EVC: variants seen among roughly 807,000 people sequenced by gnomAD.
EVC encodes EvC ciliary complex subunit 1, also known as evC complex member EVC.
Under a neutral mutation model 118.9 loss-of-function variants are expected in EVC, and 116 were observed. The ratio of observed to expected loss-of-function variants is 0.98; its 90% CI spans 0.84 to 1.14. The LOEUF is 1.14. Among genes scored for constraint, EVC ranks in the 50% most tolerant of loss-of-function variants. The probability of loss-of-function intolerance (pLI) is 0.00; values close to 1 mark genes in which losing one functional copy is unlikely to be tolerated. For missense variants in EVC, 1,401 were observed against 1,246.4 expected, an observed-to-expected ratio of 1.12 and a Z score of -1.87; for synonymous variants, 619 against 534.7, an observed-to-expected ratio of 1.16 and a Z score of -2.18.
chr4:5,789,582 C>T lies in EVC; in HGVS notation c.1777-4026C>T, dbSNP rs1313071511. 2.0e-5 allele frequency among the ~76,000 whole-genome samples: 3 copies of T among 152,196 alleles called. No homozygotes were observed. The highest frequency in any genetic ancestry group is 4.4e-5 in the Non-Finnish European group (3 of 68,032). On this transcript the variant is annotated intron_variant, in intron 12 of 20. Transcript: ENST00000264956. This position sits in a 1 kb window ranked among gnomAD's most constrained non-coding sequence, Gnocchi z 4.3. ...GCTAGGCATCAATCAATAGATCTTT[C>T]CCTTTCTCCCCATAATACATGAGAG...
intron 11 of EVC, among the ~76,000 whole-genome samples, chr4:5,779,285 G>A (rs1223195666): frequency 6.6e-6 from 1 of 152,100 alleles, no homozygotes; most frequent in East Asian, 1.9e-4. Flanking sequence ...GATGCCTCCA[G>A]CTTTGTTCTT....
Position 5,775,798 on chromosome 4 carries a change from T to C in EVC, c.1564-7754T>C, listed in dbSNP as rs138376478. On this transcript the variant is annotated intron_variant, in intron 11 of 20. Coordinates refer to ENST00000264956, the MANE Select transcript of EVC (RefSeq NM_153717.3). ...TTGGATATACCAAAGAGTGGAAGTA[T>C]TGGATTAAAGAATATGTGTAGCTTC... 3.8e-3 allele frequency among the ~76,000 whole-genome samples: 572 copies of C among 152,274 alleles called. 10 individuals carry two copies. The highest frequency in any genetic ancestry group is 0.012 in the African/African-American group (514 of 41,540).
At chr4:5,734,523 G>A (rs903323849) in intron 5 of EVC, among the ~76,000 whole-genome samples, 3 of 152,082 alleles carry the variant, frequency 2.0e-5, no homozygotes, top group Non-Finnish European at 4.4e-5. Flanking sequence ...CTGGTGCAGT[G>A]GTGTGTGCCT....
At chr4:5,777,119 T>C (rs1734824292) in intron 11 of EVC, among the ~76,000 whole-genome samples, 1 of 152,200 alleles carries the variant, frequency 6.6e-6, no homozygotes, top group Non-Finnish European at 1.5e-5. Flanking sequence ...ATTTGCACAC[T>C]TATTTGTAGA....
intron 11 of EVC, among the ~76,000 whole-genome samples, chr4:5,774,537 C>T (rs1015377488): frequency 6.6e-6 from 1 of 152,040 alleles, no homozygotes; most frequent in Non-Finnish European, 1.5e-5. Context: ...GTTAAGGAAG[C>T]TTTGTAAAGC....
At chr4:5,787,820 C>T (rs756761622) in intron 12 of EVC, among the ~76,000 whole-genome samples, 7 of 152,250 alleles carry the variant, frequency 4.6e-5, no homozygotes, top group South Asian at 2.1e-4. Context: ...ACTCTCCTCT[C>T]CCTCTGGCTC....
At position 5,811,713 on chromosome 4, in the gene EVC, C is replaced by A. The variant is rs1170336924; in HGVS notation, c.*676C>A. 4 of 155,214 alleles carry A rather than the reference C, an allele frequency of 2.6e-5. No homozygotes were observed. The East Asian group carries it at 5.8e-4, about 23-fold the overall frequency. 9.6% of individuals were successfully genotyped at this position (155,214 alleles called of 1,614,324 possible). On this transcript the variant is annotated 3_prime_UTR_variant, in exon 21 of 21. Coordinates refer to ENST00000264956, the MANE Select transcript of EVC (RefSeq NM_153717.3). ...CACCACAGCCAGGAGGGGCCTTTCC[C>A]ACCTGGAGAGAAACTTCCAGACCAG...
intron 1 of EVC, among the ~76,000 whole-genome samples, chr4:5,716,911 T>C (rs80040363): frequency 0.011 from 1,746 of 152,294 alleles, 35 homozygotes; most frequent in African/African-American, 0.039. Context: ...TGTTCCTCTG[T>C]AGAATCTTAA....
intron 11 of EVC, among the ~76,000 whole-genome samples, chr4:5,763,495 A>G (rs2152130319): frequency 6.8e-6 from 1 of 147,188 alleles, no homozygotes; most frequent in East Asian, 2.0e-4. Flanking sequence ...CTTGGGCAGT[A>G]TGGCCATTTT....
chr4:5,731,435 A>T lies in EVC; in HGVS notation c.395A>T (p.Asp132Val). 1 of 1,613,142 alleles carries T rather than the reference A, an allele frequency of 6.2e-7. No individual in the cohort carries two copies. Among genetic ancestry groups the T allele is most frequent in the South Asian group, 1.1e-5 (1 of 91,022 alleles). The change falls in exon 4 of 21, where the codon GAT becomes GTT. Residue 132 changes from aspartate (D) to valine (V), a missense_variant. Transcript: ENST00000264956. This position sits in a 1 kb window ranked among gnomAD's most constrained non-coding sequence, Gnocchi z 5.6. Reference sequence around the variant, plus strand: ...CTACTGCCACCCCAGCCTCTGGCCGATGGCTCCTCCAACCCGTCTCTGCAT... The same window carrying T: ...CTACTGCCACCCCAGCCTCTGGCCGTTGGCTCCTCCAACCCGTCTCTGCAT... The part of the protein sequence containing the change: ...PINQKFRPLA[D>V]GSSNPSLHEN...
chr4:5,797,335 G>C, intron 14 of EVC, 103 bp downstream of exon 14: 1 of 960,936 alleles, frequency 1.0e-6, no homozygotes, highest in Non-Finnish European at 1.6e-6. Context: ...TATCACCCTT[G>C]GTGCTGCAGG....
At chr4:5,751,047 C>T (rs137999374) in intron 8 of EVC, among the ~76,000 whole-genome samples, 493 of 152,134 alleles carry the variant, frequency 3.2e-3, no homozygotes, top group Admixed American at 6.9e-3. Context: ...TCTTGAGACT[C>T]ACAGGAAAAA....
At chr4:5,805,413 C>A (rs1468541786) in intron 17 of EVC, among the ~76,000 whole-genome samples, 2 of 152,192 alleles carry the variant, frequency 1.3e-5, no homozygotes, top group East Asian at 3.8e-4. Context: ...GCCGACCGGG[C>A]TGTTCTTAGG....
At chr4:5,713,794 T>C (rs1372023614) in intron 1 of EVC, among the ~76,000 whole-genome samples, 1 of 151,868 alleles carries the variant, frequency 6.6e-6, no homozygotes, top group Non-Finnish European at 1.5e-5. Context: ...TCCCAGCTAC[T>C]GGGGAGGCTA....
In EVC at chr4:5,719,027, G is replaced by A. The variant is rs1345226535; in HGVS notation, c.175-221G>A. ...GCATCCTGGAGGCCTTAGGGGAACCGCTCAGGAAGGTGACCTGTGCAGTCT... is the reference window on the plus strand; with the variant it reads ...GCATCCTGGAGGCCTTAGGGGAACCACTCAGGAAGGTGACCTGTGCAGTCT... On this transcript the variant is annotated intron_variant, in intron 1 of 20. Transcript: ENST00000264956. This position sits in a 1 kb window ranked among gnomAD's most constrained non-coding sequence, Gnocchi z 4.7. Among the ~76,000 whole-genome samples, 5 of 152,272 alleles carry A rather than the reference G, an allele frequency of 3.3e-5. No homozygotes were observed. The highest frequency in any genetic ancestry group is 1.9e-4 in the East Asian group (1 of 5,176).
chr4:5,719,119 G>T lies in EVC; in HGVS notation c.175-129G>T. ...ACACACAGAAGACCAAGCTTGAGAA[G>T]CACAGAGGCGAGCAGAAGTGGCTGC... is the stretch of plus-strand genomic sequence containing the variant. On this transcript the variant is annotated intron_variant, in intron 1 of 20. Coordinates refer to ENST00000264956, the MANE Select transcript of EVC (RefSeq NM_153717.3). The surrounding 1 kb of genome is among the most constrained non-coding windows in gnomAD (Gnocchi z 4.7). 1 of 1,247,930 alleles carries T rather than the reference G, an allele frequency of 8.0e-7. No homozygotes were observed. 77.3% of individuals were successfully genotyped at this position (1,247,930 alleles called of 1,614,324 possible). A position where few individuals can be genotyped will look rare whatever the true frequency, so the allele number is the denominator to read the frequency against.
the EVC span, chr4:5,825,326 C>A: frequency 1.0e-6 from 1 of 985,238 alleles, no homozygotes; most frequent in Middle Eastern, 5.2e-4. This position sits in a 1 kb window ranked among gnomAD's most constrained non-coding sequence, Gnocchi z 4.4. Context: ...GTGACCATGC[C>A]AGCCCACTCT....
chr4:5,820,906 A>G, the EVC span: 7 of 151,302 alleles, frequency 4.6e-5, no homozygotes, highest in Non-Finnish European at 8.9e-5. Flanking sequence ...ACAAAACTTT[A>G]AAAATCTGAC....
rs774968451 is a variant in EVC, at chr4:5,809,538, C to A, written c.2709C>A (p.Ile903=). Residue 903 remains isoleucine (I), a synonymous_variant, in exon 19 of 21, where the codon ATC becomes ATA. Coordinates refer to ENST00000264956, the MANE Select transcript of EVC (RefSeq NM_153717.3). ...TQLQEAEQNF[I]SELAALARVP... is the part of the protein sequence containing the mutation. ...TTCAGGAAGCTGAACAGAACTTCAT[C>A]TCCGAGCTGGCAGCCTTGGCCCGAG... 2 of 1,614,214 alleles carry A rather than the reference C, an allele frequency of 1.2e-6. No homozygotes were observed. The highest frequency in any genetic ancestry group is 1.7e-6 in the Non-Finnish European group (2 of 1,180,042).
Sources: allele counts gnomAD v4.1 joint callset (sites outside exome capture counted in the v4.1 genomes callset), GRCh38; gene constraint gnomAD v4.1.1; non-coding constraint Gnocchi (gnomAD v3.1); transcripts MANE v1.5; gene names NCBI Gene and HGNC (gene_info 2026-07-23, HGNC 2026-07-21).